KY: variants seen among roughly 807,000 people sequenced by gnomAD.
The protein encoded by KY is kyphoscoliosis peptidase.
In KY, 43 loss-of-function variants were observed where a neutral mutation model predicts 76.1. The observed-to-expected ratio is 0.57, with a 90% CI of 0.44 to 0.73. The LOEUF (loss-of-function observed/expected upper bound fraction) is 0.73, where lower values mean the gene tolerates loss of function less well. Ranked by LOEUF, KY falls within the 30% of genes least tolerant of loss-of-function variation. The pLI is 0.00. For synonymous variants in KY, 277 were observed against 326.2 expected, an observed-to-expected ratio of 0.85 and a Z score of 1.63; for missense variants, 722 against 828.9, an observed-to-expected ratio of 0.87 and a Z score of 1.58.
In KY at chr3:134,623,916, T is replaced by G. The variant is rs9809344; in HGVS notation, c.483+1137A>C. Among the ~76,000 whole-genome samples, 3 of 151,978 alleles carry G rather than the reference T, an allele frequency of 2.0e-5. No homozygotes were observed. In the South Asian group the frequency reaches 6.2e-4, roughly 32 times the overall value. On this transcript the variant is annotated intron_variant, in intron 6 of 10. Transcript: ENST00000423778. ...AGGCCCTATGGGCTTCCTCCACCCC[T>G]GCAATATGATGCCCGTCCTATGGCT... is the stretch of plus-strand genomic sequence containing the variant.
At position 134,603,641 on chromosome 3, in the gene KY, G is replaced by A. The variant is rs368989620; in HGVS notation, c.1924C>T (p.Leu642=). The change falls in exon 11 of 11, where the codon CTG becomes TTG. Residue 642 remains leucine (L), a synonymous_variant. Coordinates refer to ENST00000423778, the MANE Select transcript of KY (RefSeq NM_178554.6). ...TAGAAATTGTGGTTGGCATTCTCCA[G>A]CACCATGACATAGACTTCCTGGCAG... ...AGCQEVYVMV[L]ENANHNFYSY... 1.2e-5 allele frequency: 19 copies of A among 1,611,822 alleles called. No individual in the cohort carries two copies. The African/African-American group carries it at 2.3e-4, about 19-fold the overall frequency.
intron 6 of KY, among the ~76,000 whole-genome samples, chr3:134,622,758 G>T (rs1175725103): frequency 6.6e-6 from 1 of 152,200 alleles, no homozygotes; most frequent in Non-Finnish European, 1.5e-5. Context: ...TGAGGTTGCT[G>T]GAAAGATGGC....
intron 3 of KY, among the ~76,000 whole-genome samples, chr3:134,630,930 G>A (rs1356328523): frequency 6.6e-6 from 1 of 152,186 alleles, no homozygotes; most frequent in African/African-American, 2.4e-5. Flanking sequence ...AGAAGTAAGT[G>A]AAGATTTTAG....
At chr3:134,638,926 G>A (rs984040029) in intron 3 of KY, among the ~76,000 whole-genome samples, 4 of 152,204 alleles carry the variant, frequency 2.6e-5, no homozygotes, top group South Asian at 4.1e-4. Context: ...GTGTGTGCAT[G>A]TGCACATGCA....
intron 1 of KY, 70 bp downstream of exon 1, chr3:134,650,755 C>T (rs1373625825): frequency 8.7e-6 from 12 of 1,383,692 alleles, no homozygotes; most frequent in Non-Finnish European, 1.1e-5. Flanking sequence ...CGCCCCCCGG[C>T]GGGCAGGCCC....
chr3:134,643,828 TC>T (rs1966083781), intron 2 of KY, among the ~76,000 whole-genome samples: 1 of 104,884 alleles, frequency 9.5e-6, no homozygotes, highest in African/African-American at 3.0e-5. Flanking sequence ...GTCTCCTGCT[TC>T]TTTTTTTTTT....
chr3:134,649,916 A>C (rs1330745685), intron 1 of KY, among the ~76,000 whole-genome samples: 1 of 152,216 alleles, frequency 6.6e-6, no homozygotes, highest in Non-Finnish European at 1.5e-5. Flanking sequence ...GAGAGGCAGA[A>C]GTCATTCTCC....
At position 134,603,541 on chromosome 3, in the gene KY, C is replaced by T; in HGVS notation, c.*38G>A. The T allele has an allele frequency of 6.5e-7, 1 of 1,536,142 alleles. No homozygotes were observed. Among genetic ancestry groups the T allele is most frequent in the Non-Finnish European group, 8.8e-7 (1 of 1,138,350 alleles). ...TCGAGCCCTCCCTGGGGAGGTCTGG[C>T]CTTGGCCCTTTGGGAGGGTAAGACC... On this transcript the variant is annotated 3_prime_UTR_variant, in exon 11 of 11. Transcript: ENST00000423778.
intron 2 of KY, among the ~76,000 whole-genome samples, chr3:134,644,649 TG>T (rs765043591): frequency 5.3e-5 from 8 of 152,216 alleles, no homozygotes; most frequent in Non-Finnish European, 1.0e-4. Context: ...AGTATGCCTC[TG>T]GGGCATTGGC....
At chr3:134,609,273 C>T (rs771101744) in intron 9 of KY, among the ~76,000 whole-genome samples, 2 of 152,210 alleles carry the variant, frequency 1.3e-5, no homozygotes, top group Non-Finnish European at 2.9e-5. Flanking sequence ...CCTTTTGTGG[C>T]TCTCCAGGGC....
intron 3 of KY, among the ~76,000 whole-genome samples, chr3:134,636,542 A>T (rs1357573901): frequency 1.3e-5 from 2 of 152,228 alleles, no homozygotes; most frequent in African/African-American, 4.8e-5. Context: ...AGCACAGCAT[A>T]GCCTCTCAGG....
chr3:134,637,366 TTTTA>T (rs1965115845), intron 3 of KY, among the ~76,000 whole-genome samples: 1 of 152,244 alleles, frequency 6.6e-6, no homozygotes, highest in Non-Finnish European at 1.5e-5. Context: ...CTGAGGTGTC[TTTTA>T]AAGTGAGTGC....
At chr3:134,612,466 A>G (rs1037890984) in intron 8 of KY, among the ~76,000 whole-genome samples, 11 of 152,060 alleles carry the variant, frequency 7.2e-5, no homozygotes, top group Admixed American at 2.6e-4. Context: ...GAGGGGATGC[A>G]AGGCTGAGGG....
At position 134,600,756 on chromosome 3, in the gene KY, T is replaced by G. The variant is rs1473365308; in HGVS notation, c.*2823A>C. 6.6e-6 allele frequency: 1 copy of G among 152,290 alleles called. No individual in the cohort carries two copies. Among genetic ancestry groups the G allele is most frequent in the Non-Finnish European group, 1.5e-5 (1 of 68,090 alleles). The allele number at this position is 152,290 out of a possible 1,614,324, so 9.4% of individuals were successfully genotyped here. A position where few individuals can be genotyped will look rare whatever the true frequency, so the allele number is the denominator to read the frequency against. ...CAGTCCTATGTCAAGTGCTTCTGTTTCAAGAAGTTATTTCCAGGCAAAACA... is the reference window on the plus strand; with the variant it reads ...CAGTCCTATGTCAAGTGCTTCTGTTGCAAGAAGTTATTTCCAGGCAAAACA... On this transcript the variant is annotated 3_prime_UTR_variant, in exon 11 of 11. Transcript: ENST00000423778.
chr3:134,617,776 G>A (rs538359668), intron 8 of KY, among the ~76,000 whole-genome samples: 1 of 152,218 alleles, frequency 6.6e-6, no homozygotes, highest in Non-Finnish European at 1.5e-5. Context: ...CCTGGAAGGA[G>A]CTCTGGGGAG....
chr3:134,625,440 C>T (rs965433619), intron 5 of KY, among the ~76,000 whole-genome samples: 3 of 152,240 alleles, frequency 2.0e-5, no homozygotes, highest in Non-Finnish European at 4.4e-5. Context: ...CAGTAGTTCC[C>T]AGACATATTG....
In KY at chr3:134,609,299, C is replaced by G. The variant is rs569805788; in HGVS notation, c.900-460G>C. ...TCTCCAGGGCCGACTGGAGTGCTGC[C>G]TCTCTGGATGTCAGTAATGGGGATC... is the stretch of plus-strand genomic sequence containing the variant. On this transcript the variant is annotated intron_variant, in intron 9 of 10. Coordinates refer to ENST00000423778, the MANE Select transcript of KY (RefSeq NM_178554.6). Among the ~76,000 whole-genome samples, 16 of 152,298 alleles carry G rather than the reference C, an allele frequency of 1.1e-4. 1 individual carries two copies. In the South Asian group the frequency reaches 2.9e-3, roughly 28 times the overall value.
At position 134,604,193 on chromosome 3, in the gene KY, AG is replaced by A. The variant is rs1959093656; in HGVS notation, c.1371del (p.Ser458ArgfsTer7). 6.2e-7 allele frequency: 1 copy of A among 1,612,044 alleles called. No individual in the cohort carries two copies. Among genetic ancestry groups the A allele is most frequent in the Non-Finnish European group, 8.5e-7 (1 of 1,179,208 alleles). On this transcript the variant is annotated frameshift_variant, in exon 11 of 11. Transcript: ENST00000423778. LOFTEE classifies it high-confidence loss of function. Reference protein sequence around the residue: ...ELHQPVGPSWFSEQMGIMKPS... With the variant: ...ELHQPVGPSWXSEQMGIMKPS... The stretch of plus-strand genomic sequence containing the variant: ...GGCTTCATGATGCCCATCTGCTCCG[AG>A]AACCAGCTGGGGCCCACGGGCTGGT...
At chr3:134,619,322 C>T in intron 7 of KY, 57 bp from the exon 8 acceptor site, 1 of 1,294,660 alleles carries the variant, frequency 7.7e-7, no homozygotes, top group Admixed American at 1.7e-5. Context: ...GAGAAGACTC[C>T]ACCCCAACCC....
Sources: gnomAD v4.1 joint callset for allele counts (sites outside exome capture counted in the v4.1 genomes callset) on GRCh38, gnomAD v4.1.1 for gene constraint, MANE v1.5 for transcripts, NCBI Gene and HGNC (gene_info 2026-07-23, HGNC 2026-07-21) for gene names.